MUSK: variants seen among roughly 807,000 people sequenced by gnomAD.
The protein encoded by MUSK is muscle associated receptor tyrosine kinase.
MUSK carries 55 observed loss-of-function variants against 88.7 expected under a neutral mutation model. The observed-to-expected ratio is 0.62, with a 90% CI of 0.50 to 0.78. The LOEUF (loss-of-function observed/expected upper bound fraction) is 0.78. Ranked by LOEUF, MUSK falls within the 30% of genes least tolerant of loss-of-function variation. The pLI is 0.00. For missense variants in MUSK, 1,015 were observed against 1,074.3 expected (o/e 0.94, Z 0.77); for synonymous variants, 387 against 391.9 (o/e 0.99, Z 0.15).
rs779169593 is a variant in MUSK at position 110,725,849 on chromosome 9, G to T, written c.629-8402G>T. On this transcript the variant is annotated intron_variant, in intron 5 of 14. Transcript: ENST00000374448. ...AATTTAGTAATTAAATGGGAATAAA[G>T]ACTATGAAGCAGAATATTTTAAAAA... Among the ~76,000 whole-genome samples the T allele has an allele frequency of 2.6e-4, 39 of 151,992 alleles. 1 individual carries two copies. The highest frequency in any genetic ancestry group is 5.6e-4 in the Non-Finnish European group (38 of 67,944).
chr9:110,766,591 G>A (rs556967356), intron 8 of MUSK, among the ~76,000 whole-genome samples: 2 of 152,252 alleles, frequency 1.3e-5, no homozygotes, highest in East Asian at 1.9e-4. Context: ...TCATTCCAAT[G>A]AATTTGCTTT....
chr9:110,753,116 A>G (rs150957102), intron 7 of MUSK, among the ~76,000 whole-genome samples: 1 of 152,280 alleles, frequency 6.6e-6, no homozygotes, highest in Non-Finnish European at 1.5e-5. Context: ...AGACCATGAA[A>G]ATGGACACAG....
At chr9:110,741,429 G>T (rs1364722195) in intron 6 of MUSK, among the ~76,000 whole-genome samples, 1 of 152,058 alleles carries the variant, frequency 6.6e-6, no homozygotes, top group Admixed American at 6.6e-5. Flanking sequence ...CCCAAAAGGT[G>T]AGAACTAGGA....
intron 11 of MUSK, among the ~76,000 whole-genome samples, chr9:110,783,931 A>AT (rs982240491): frequency 1.3e-5 from 2 of 151,624 alleles, no homozygotes; most frequent in African/African-American, 4.8e-5. Context: ...AAAGTCATTG[A>AT]TTTTTTTCTT....
chr9:110,683,518 A>G (rs575682162), intron 2 of MUSK, among the ~76,000 whole-genome samples: 8 of 152,128 alleles, frequency 5.3e-5, no homozygotes, highest in Non-Finnish European at 1.2e-4. Context: ...GCTGGATCAT[A>G]TGGTAGCTCA....
In MUSK at chr9:110,801,901, A is replaced by AAATTTATTTATTATT. The variant is rs1261876485; in HGVS notation, c.*916_*917insTTATTTATTATTAAT. Among the ~76,000 whole-genome samples the AAATTTATTTATTATT allele has an allele frequency of 6.6e-6, 1 of 152,200 alleles. No homozygotes were observed. Among genetic ancestry groups the AAATTTATTTATTATT allele is most frequent in the Non-Finnish European group, 1.5e-5 (1 of 68,032 alleles). On this transcript the variant is annotated 3_prime_UTR_variant, in exon 15 of 15. Transcript: ENST00000374448. ...ACTCTGGCAGAAATAATAACATTTT[A>AAATTTATTTATTATT]AATACCATTGTAGATTGATATGTAT... is the stretch of plus-strand genomic sequence containing the variant.
At chr9:110,730,330 T>C (rs1199649803) in intron 5 of MUSK, among the ~76,000 whole-genome samples, 1 of 152,090 alleles carries the variant, frequency 6.6e-6, no homozygotes, top group Non-Finnish European at 1.5e-5. Flanking sequence ...TTTGATGATT[T>C]TTTTGTTTAA....
rs550894207 is a variant in MUSK, at chr9:110,763,451, A to G, written c.920+1243A>G. Reference sequence around the variant, plus strand: ...GCCATTTAATAACCCTCCTTCTGAAAAAAACAGGCAGCAGGCCAAATTTGT... The same window carrying G: ...GCCATTTAATAACCCTCCTTCTGAAGAAAACAGGCAGCAGGCCAAATTTGT... On this transcript the variant is annotated intron_variant, in intron 8 of 14. Transcript: ENST00000374448. Among the ~76,000 whole-genome samples the G allele has an allele frequency of 2.6e-5, 4 of 152,380 alleles. No individual in the cohort carries two copies. In the South Asian group the frequency reaches 8.3e-4, roughly 32 times the overall value.
chr9:110,670,496 C>T (rs2075943312), intron 1 of MUSK, among the ~76,000 whole-genome samples: 2 of 152,044 alleles, frequency 1.3e-5, no homozygotes, highest in African/African-American at 4.8e-5. Context: ...ACACAAAACC[C>T]CCAAAATCTC....
chr9:110,747,944 A>T (rs1175275035), intron 7 of MUSK, 144 bp downstream of exon 7: 1 of 1,118,080 alleles, frequency 8.9e-7, no homozygotes. Flanking sequence ...CCATGGGGAT[A>T]CTCCGGAGGT....
At chr9:110,681,813 T>G (rs1438639315) in intron 1 of MUSK, among the ~76,000 whole-genome samples, 1 of 152,108 alleles carries the variant, frequency 6.6e-6, no homozygotes, top group Non-Finnish European at 1.5e-5. Context: ...CTAGATGCTC[T>G]ATAAGTCTGT....
intron 2 of MUSK, among the ~76,000 whole-genome samples, chr9:110,685,878 G>A (rs2076189508): frequency 6.6e-6 from 1 of 151,896 alleles, no homozygotes; most frequent in South Asian, 2.1e-4. Flanking sequence ...ATTTTTTTCG[G>A]TTCTAACTAT....
At chr9:110,744,603 T>A (rs1345606235) in intron 6 of MUSK, among the ~76,000 whole-genome samples, 1 of 152,204 alleles carries the variant, frequency 6.6e-6, no homozygotes, top group Non-Finnish European at 1.5e-5. Context: ...ATTGTGATCT[T>A]TATTGTATAC....
Position 110,697,614 on chromosome 9 carries a change from G to A in MUSK, c.628+148G>A, listed in dbSNP as rs569058852. The stretch of plus-strand genomic sequence containing the variant: ...TATTAGGCCATAAGTTCAAGCGTAT[G>A]ATAACAGAAAAGGAAAACTGAAAAA... On this transcript the variant is annotated intron_variant, in intron 5 of 14. Coordinates refer to ENST00000374448, the MANE Select transcript of MUSK (RefSeq NM_005592.4). 764 of 811,764 alleles carry A rather than the reference G, an allele frequency of 9.4e-4. 1 individual carries two copies. The highest frequency in any genetic ancestry group is 3.1e-3 in the Admixed American group (78 of 25,430). The allele number at this position is 811,764 out of a possible 1,614,324, so 50.3% of individuals were successfully genotyped here.
At chr9:110,690,285 T>G (rs1296491375) in intron 3 of MUSK, among the ~76,000 whole-genome samples, 4 of 98,810 alleles carry the variant, frequency 4.0e-5, no homozygotes, top group Non-Finnish European at 7.2e-5. Context: ...AATATATAAA[T>G]ATATATAAAT....
intron 2 of MUSK, among the ~76,000 whole-genome samples, chr9:110,683,703 T>C (rs1341223080): frequency 6.6e-6 from 1 of 152,188 alleles, no homozygotes; most frequent in Non-Finnish European, 1.5e-5. Context: ...TATCTTATTG[T>C]AGTTTTTATT....
intron 3 of MUSK, among the ~76,000 whole-genome samples, chr9:110,689,157 AATATAAATAAAC>A (rs2131677098): frequency 8.4e-6 from 1 of 118,920 alleles, no homozygotes; most frequent in East Asian, 2.3e-4. Context: ...ATTTATATAA[AATATAAATAAAC>A]TATATATTTA....
intron 1 of MUSK, among the ~76,000 whole-genome samples, chr9:110,672,005 T>G (rs957512492): frequency 2.6e-5 from 4 of 152,202 alleles, no homozygotes; most frequent in African/African-American, 9.7e-5. Flanking sequence ...AGGATAGGAT[T>G]CACAGATTTG....
intron 3 of MUSK, among the ~76,000 whole-genome samples, chr9:110,690,825 T>A (rs1274442993): frequency 8.1e-6 from 1 of 124,218 alleles, no homozygotes; most frequent in African/African-American, 3.3e-5. Context: ...AGTATATATA[T>A]AAATATATAT....
Sources: allele counts gnomAD v4.1 joint callset (sites outside exome capture counted in the v4.1 genomes callset), GRCh38; gene constraint gnomAD v4.1.1; transcripts MANE v1.5; gene names NCBI Gene and HGNC (gene_info 2026-07-23, HGNC 2026-07-21).